SLC7A7: variants seen among roughly 807,000 people sequenced by gnomAD.
SLC7A7 encodes Y+L amino acid transporter 1.
In SLC7A7, 39 loss-of-function variants were observed where a neutral mutation model predicts 47.9. That is an observed-to-expected ratio of 0.81 (90% CI 0.63 to 1.06). SLC7A7 has a LOEUF of 1.06. Among genes scored for constraint, SLC7A7 ranks in the 50% least tolerant of loss-of-function variants. SLC7A7 has a pLI of 0.00. For missense variants in SLC7A7, 588 were observed against 632.0 expected, an observed-to-expected ratio of 0.93 and a Z score of 0.75; for synonymous variants, 234 against 242.8, an observed-to-expected ratio of 0.96 and a Z score of 0.34.
At chr14:22,789,128 C>A (rs1298145836) in intron 2 of SLC7A7, among the ~76,000 whole-genome samples, 2 of 152,178 alleles carry the variant, frequency 1.3e-5, no homozygotes, top group Non-Finnish European at 2.9e-5. Flanking sequence ...ACTTCACTAA[C>A]CAGATTTAAC....
rs1594985030 is a variant in SLC7A7, at chr14:22,812,913, A to C, written c.486T>G (p.Ala162=). 6.2e-7 allele frequency: 1 copy of C among 1,613,508 alleles called. No individual in the cohort carries two copies. Among genetic ancestry groups the C allele is most frequent in the Non-Finnish European group, 8.5e-7 (1 of 1,179,942 alleles). The part of the protein sequence containing the change: ...FAPYAASRLL[A]AACICLLTFI... ...AGCCCCACTTACAAATGCAGGCAGC[A>C]GCCAGCAGGCGGCTGGCAGCATAAG... The change falls in exon 2 of 10, where the codon GCT becomes GCG. Residue 162 remains alanine (A), a synonymous_variant. Transcript: ENST00000674313.
intron 2 of SLC7A7, among the ~76,000 whole-genome samples, chr14:22,812,272 T>C (rs1307300824): frequency 5.3e-5 from 8 of 152,054 alleles, no homozygotes. Context: ...GTTCAAGCGA[T>C]TCTCCTGCCT....
intron 2 of SLC7A7, among the ~76,000 whole-genome samples, chr14:22,804,973 C>G (rs1270100981): frequency 6.6e-6 from 1 of 152,162 alleles, no homozygotes; most frequent in African/African-American, 2.4e-5. Context: ...TGCCATTGCA[C>G]TCCAGCCTGG....
At chr14:22,774,608 T>C (rs915724425) in intron 7 of SLC7A7, 105 bp from the exon 8 acceptor site, 210 of 1,457,606 alleles carry the variant, frequency 1.4e-4, no homozygotes, top group Admixed American at 2.9e-4. Context: ...ATCCTCAAAG[T>C]CTCCTGGTCC....
intron 2 of SLC7A7, among the ~76,000 whole-genome samples, chr14:22,806,915 TGAGAC>T (rs2039221103): frequency 6.8e-6 from 1 of 146,568 alleles, no homozygotes. Flanking sequence ...TTTTTTTTTT[TGAGAC>T]GGAGTCTCGC....
rs2039347696 is a variant in SLC7A7 at position 22,813,199 on chromosome 14, G to T, written c.200C>A (p.Ala67Asp). 6.8e-6 allele frequency: 11 copies of T among 1,614,082 alleles called. No individual in the cohort carries two copies. Among genetic ancestry groups the T allele is most frequent in the Non-Finnish European group, 9.3e-6 (11 of 1,180,042 alleles). The change falls in exon 2 of 10, where the codon GCC (alanine) becomes GAC (aspartate). Residue 67 changes from alanine (A) to aspartate (D), a missense_variant. By Grantham distance (126) the Ala-to-Asp change is moderately radical. Coordinates refer to ENST00000674313, the MANE Select transcript of SLC7A7 (RefSeq NM_003982.4). ...GATGACCAGAGAGAGACCAAAGGAG[G>T]CACTGTATATGAGCACACCCTTGGG... ...VSPKGVLIYS[A>D]SFGLSLVIWA...
chr14:22,814,129 A>C (rs2039370372), intron 1 of SLC7A7, among the ~76,000 whole-genome samples: 1 of 151,698 alleles, frequency 6.6e-6, no homozygotes, highest in South Asian at 2.1e-4. Context: ...CATTCGCCAG[A>C]GAGAAAGGAT....
intron 2 of SLC7A7, among the ~76,000 whole-genome samples, chr14:22,800,811 C>T (rs577784064): frequency 1.2e-4 from 18 of 152,082 alleles, no homozygotes; most frequent in African/African-American, 4.3e-4. Context: ...TGGTGGGGCA[C>T]GCCTGTAATC....
At chr14:22,776,163 C>G in intron 5 of SLC7A7, 32 bp downstream of exon 5, 2 of 1,614,146 alleles carry the variant, frequency 1.2e-6, no homozygotes, top group Non-Finnish European at 1.7e-6. Flanking sequence ...CCACAAGACA[C>G]CCTCAACCTT....
At chr14:22,803,040 C>T (rs2039142812) in intron 2 of SLC7A7, among the ~76,000 whole-genome samples, 1 of 152,170 alleles carries the variant, frequency 6.6e-6, no homozygotes, top group Non-Finnish European at 1.5e-5. Context: ...GGTGATTCAG[C>T]AGTGAGTAAA....
intron 2 of SLC7A7, among the ~76,000 whole-genome samples, chr14:22,808,794 G>A (rs4982676): frequency 0.18 from 27,487 of 152,090 alleles, 2,747 homozygotes; most frequent in East Asian, 0.42. Flanking sequence ...ACAAAGTCCA[G>A]ATATTATCTA....
rs2138663742 is a variant in SLC7A7, at chr14:22,813,281, G to A, written c.118C>T (p.Leu40Phe). 2 of 1,614,174 alleles carry A rather than the reference G, an allele frequency of 1.2e-6. No homozygotes were observed. The highest frequency in any genetic ancestry group is 1.7e-6 in the Non-Finnish European group (2 of 1,180,004). The change falls in exon 2 of 10, where the codon CTT becomes TTT. Residue 40 changes from leucine to phenylalanine, a missense_variant. By Grantham distance (22) the Leu-to-Phe change is conservative. Transcript: ENST00000674313. ...CCCACAATCAGGCACACGCCGTTAAGCAGTGAGATCTCCTTCTTCAGCTTC... is the reference window on the plus strand; with the variant it reads ...CCCACAATCAGGCACACGCCGTTAAACAGTGAGATCTCCTTCTTCAGCTTC... ...QVKLKKEISL[L>F]NGVCLIVGNM...
chr14:22,775,792 C>A, intron 6 of SLC7A7, 41 bp downstream of exon 6: 1 of 1,384,156 alleles, frequency 7.2e-7, no homozygotes, highest in Non-Finnish European at 1.0e-6. Context: ...CACTGCATAG[C>A]CCTTTGATGA....
Position 22,813,423 on chromosome 14 carries a change from C to G in SLC7A7, c.-25G>C. 1 of 1,606,506 alleles carries G rather than the reference C, an allele frequency of 6.2e-7. No individual in the cohort carries two copies. On this transcript the variant is annotated 5_prime_UTR_variant, in exon 2 of 10. Coordinates refer to ENST00000674313, the MANE Select transcript of SLC7A7 (RefSeq NM_003982.4). ...TGGTGGAGGAGAGGAAACCCTTCAC[C>G]AGCTTCCTGGCATTGCCCTTTAAGG...
At chr14:22,798,597 T>C (rs1352753034) in intron 2 of SLC7A7, among the ~76,000 whole-genome samples, 2 of 152,130 alleles carry the variant, frequency 1.3e-5, no homozygotes, top group African/African-American at 4.8e-5. Context: ...CAGGCTTAAC[T>C]CTTTTTCATA....
chr14:22,813,315 C>T lies in SLC7A7; in HGVS notation c.84G>A (p.Pro28=), dbSNP rs746630301. 6.2e-6 allele frequency: 10 copies of T among 1,614,064 alleles called. No individual in the cohort carries two copies. The highest frequency in any genetic ancestry group is 4.5e-5 in the East Asian group (2 of 44,898). Residue 28 remains proline (P), a synonymous_variant, in exon 2 of 10, where the codon CCG becomes CCA. Transcript: ENST00000674313. ...TCTCCTTCTTCAGCTTCACCTGCTC[C>T]GGCCCTGGGCTGGCCCCATCACCCA... ...SPLGDGASPG[P]EQVKLKKEIS...
chr14:22,789,849 C>T (rs1368917558), intron 2 of SLC7A7, among the ~76,000 whole-genome samples: 1 of 152,030 alleles, frequency 6.6e-6, no homozygotes, highest in African/African-American at 2.4e-5. Context: ...GTCCATGAGA[C>T]TCTAGAAGCT....
At chr14:22,817,310 A>T (rs1297401627), upstream of SLC7A7, 1 of 245,036 alleles carries the variant, frequency 4.1e-6, no homozygotes, top group African/African-American at 2.6e-5. Flanking sequence ...TTGTGTTTTT[A>T]TTTCGGTATT....
intron 2 of SLC7A7, among the ~76,000 whole-genome samples, chr14:22,803,098 C>G (rs1056953964): frequency 2.0e-5 from 3 of 152,092 alleles, no homozygotes; most frequent in African/African-American, 7.2e-5. Flanking sequence ...GAAAGAGAGA[C>G]AAGTAAATGA....
Sources: allele counts gnomAD v4.1 joint callset (sites outside exome capture counted in the v4.1 genomes callset), GRCh38; gene constraint gnomAD v4.1.1; transcripts MANE v1.5; gene names NCBI Gene and HGNC (gene_info 2026-07-23, HGNC 2026-07-21).